The following ADGRB3 variants were observed in gnomAD, a reference collection of about 807,000 sequenced individuals.
ADGRB3 encodes the protein adhesion G protein-coupled receptor B3.
ADGRB3 carries 37 observed loss-of-function variants against 193.4 expected under a neutral mutation model. The observed-to-expected ratio is 0.19, with a 90% CI of 0.15 to 0.25. The LOEUF is 0.25. Among genes scored for constraint, ADGRB3 ranks in the 10% least tolerant of loss-of-function variants. The pLI is 1.00. For synonymous variants in ADGRB3, 690 were observed against 644.2 expected, an observed-to-expected ratio of 1.07 and a Z score of -1.08; for missense variants, 1,637 against 1,852.9, an observed-to-expected ratio of 0.88 and a Z score of 2.14.
In ADGRB3 at chr6:69,215,639, A is replaced by C. The variant is rs556748271; in HGVS notation, c.2481-17651A>C. Among the ~76,000 whole-genome samples, 4 of 152,298 alleles carry C rather than the reference A, an allele frequency of 2.6e-5. No homozygotes were observed. The South Asian group carries it at 8.3e-4, about 32-fold the overall frequency. ...ATAAGACCTATAAGAGATATAATGT[A>C]GCCTATCCCACAATTCTCATTAGAG... On this transcript the variant is annotated intron_variant, in intron 17 of 31. Coordinates refer to ENST00000370598, the MANE Select transcript of ADGRB3 (RefSeq NM_001704.3).
chr6:69,052,259 T>C (rs1371779460), intron 15 of ADGRB3, among the ~76,000 whole-genome samples: 1 of 152,204 alleles, frequency 6.6e-6, no homozygotes, highest in Non-Finnish European at 1.5e-5. Flanking sequence ...AGTTTAATGT[T>C]TGTACTATGA....
Position 68,638,786 on chromosome 6 carries a change from C to G in ADGRB3, c.111C>G (p.Val37=). The G allele has an allele frequency of 2.5e-6, 4 of 1,614,080 alleles. No individual in the cohort carries two copies. Among genetic ancestry groups the G allele is most frequent in the Middle Eastern group, 1.6e-4 (1 of 6,062 alleles). The part of the protein sequence containing the change: ...DFWCSTLVKG[V]IYGSYSVSEM... ...GGTGTTCAACTTTGGTGAAGGGAGT[C>G]ATTTATGGATCGTATTCTGTAAGTG... is the stretch of plus-strand genomic sequence containing the variant. Residue 37 remains valine, a synonymous_variant, in exon 3 of 32, where the codon GTC becomes GTG. Transcript: ENST00000370598.
intron 29 of ADGRB3, among the ~76,000 whole-genome samples, chr6:69,363,398 A>G (rs140324547): frequency 4.6e-4 from 70 of 152,178 alleles, no homozygotes; most frequent in African/African-American, 1.6e-3. Context: ...GGAATGAATA[A>G]TAAAAATTAG....
At chr6:69,216,420 G>A (rs1054622295) in intron 17 of ADGRB3, among the ~76,000 whole-genome samples, 1 of 152,162 alleles carries the variant, frequency 6.6e-6, no homozygotes, top group African/African-American at 2.4e-5. Flanking sequence ...GTTACCTACA[G>A]GCCCTGGTTG....
chr6:69,205,164 A>G (rs1193677881), intron 17 of ADGRB3, among the ~76,000 whole-genome samples: 1 of 152,196 alleles, frequency 6.6e-6, no homozygotes, highest in Admixed American at 6.5e-5. Context: ...CACTCCTACT[A>G]TCAAAATATT....
intron 3 of ADGRB3, among the ~76,000 whole-genome samples, chr6:68,832,017 CCTTTT>C (rs1767966027): frequency 1.3e-5 from 2 of 152,236 alleles, no homozygotes; most frequent in South Asian, 2.1e-4. Context: ...TTAACAGCTA[CCTTTT>C]CTTTTAAGTT....
rs1200948897 is a variant in ADGRB3, at chr6:68,772,906, T to A, written c.757+133474T>A. Among the ~76,000 whole-genome samples the A allele has an allele frequency of 1.4e-3, 48 of 35,442 alleles. 1 individual carries two copies. Among genetic ancestry groups the A allele is most frequent in the African/African-American group, 7.3e-3 (38 of 5,198 alleles). 23.3% of individuals were successfully genotyped at this position (35,442 alleles called of 152,430 possible). A position where few individuals can be genotyped will look rare whatever the true frequency, so the allele number is the denominator to read the frequency against. ...ACAAAAAAAAAAAAATATATATATA[T>A]ATATATATATATATATATATATATA... On this transcript the variant is annotated intron_variant, in intron 3 of 31. Coordinates refer to ENST00000370598, the MANE Select transcript of ADGRB3 (RefSeq NM_001704.3).
chr6:69,194,918 T>C (rs1217051861), intron 17 of ADGRB3, among the ~76,000 whole-genome samples: 1 of 152,148 alleles, frequency 6.6e-6, no homozygotes, highest in Admixed American at 6.6e-5. Context: ...CAATTCCTGG[T>C]ATATAGCAAG....
chr6:68,735,197 G>A lies in ADGRB3; in HGVS notation c.757+95765G>A, dbSNP rs531211595. Among the ~76,000 whole-genome samples, 15 of 151,790 alleles carry A rather than the reference G, an allele frequency of 9.9e-5. No individual in the cohort carries two copies. In the East Asian group the frequency reaches 1.6e-3, roughly 16 times the overall value. Reference sequence around the variant, plus strand: ...CATAAGCATGATCAAAAATATTGTCGAATGAATGAATAATTAAGTTAAATT... The same window carrying A: ...CATAAGCATGATCAAAAATATTGTCAAATGAATGAATAATTAAGTTAAATT... On this transcript the variant is annotated intron_variant, in intron 3 of 31. Coordinates refer to ENST00000370598, the MANE Select transcript of ADGRB3 (RefSeq NM_001704.3).
chr6:69,206,209 C>G (rs1289911150), intron 17 of ADGRB3, among the ~76,000 whole-genome samples: 1 of 151,648 alleles, frequency 6.6e-6, no homozygotes, highest in Non-Finnish European at 1.5e-5. Context: ...GGGCAGGAAG[C>G]ATGCGGAATG....
At chr6:69,150,725 T>C (rs575755610) in intron 17 of ADGRB3, among the ~76,000 whole-genome samples, 98 of 152,306 alleles carry the variant, frequency 6.4e-4, no homozygotes, top group South Asian at 5.8e-3. Context: ...TAGATCACAC[T>C]TGAAGTCAGC....
At chr6:69,170,502 C>G (rs1582515760) in intron 17 of ADGRB3, among the ~76,000 whole-genome samples, 2 of 152,126 alleles carry the variant, frequency 1.3e-5, no homozygotes, top group Middle Eastern at 3.2e-3. Flanking sequence ...TATATATTCT[C>G]TCATCCACAG....
intron 3 of ADGRB3, among the ~76,000 whole-genome samples, chr6:68,883,633 A>G (rs491833): frequency 0.21 from 32,048 of 151,974 alleles, 3,908 homozygotes; most frequent in East Asian, 0.58. Context: ...GCACTGCCTT[A>G]AAAGCTGTAA....
chr6:69,329,552 A>G (rs1363714999), intron 22 of ADGRB3, among the ~76,000 whole-genome samples: 1 of 152,236 alleles, frequency 6.6e-6, no homozygotes, highest in Non-Finnish European at 1.5e-5. Context: ...ATCACAATTA[A>G]CATAGAGCAG....
Position 69,144,145 on chromosome 6 carries a change from T to C in ADGRB3, c.2480+68107T>C, listed in dbSNP as rs577638717. On this transcript the variant is annotated intron_variant, in intron 17 of 31. Coordinates refer to ENST00000370598, the MANE Select transcript of ADGRB3 (RefSeq NM_001704.3). ...TTTAATTTTATTTGTAGCTACTGTG[T>C]AGACTAATTTTAGCTATTGTAAGTG... 3.5e-4 allele frequency among the ~76,000 whole-genome samples: 54 copies of C among 152,310 alleles called. 2 individuals are homozygous for C. In the South Asian group the frequency reaches 8.9e-3, roughly 25 times the overall value.
intron 3 of ADGRB3, among the ~76,000 whole-genome samples, chr6:68,772,019 TGAG>T (rs2127356479): frequency 6.6e-6 from 1 of 152,228 alleles, no homozygotes; most frequent in East Asian, 1.9e-4. Context: ...AGGACTACTT[TGAG>T]GAGAAGTTGT....
At chr6:69,132,887 T>C (rs1422478785) in intron 17 of ADGRB3, among the ~76,000 whole-genome samples, 1 of 152,210 alleles carries the variant, frequency 6.6e-6, no homozygotes, top group East Asian at 1.9e-4. Flanking sequence ...TCGGGAATCC[T>C]TTCCCCATTG....
chr6:69,380,329 A>C (rs1033914016), intron 30 of ADGRB3, among the ~76,000 whole-genome samples: 1 of 151,916 alleles, frequency 6.6e-6, no homozygotes. Flanking sequence ...GCAACATGGG[A>C]AGGATGGGAA....
intron 15 of ADGRB3, among the ~76,000 whole-genome samples, chr6:69,051,193 T>A (rs1771382751): frequency 6.6e-6 from 1 of 152,182 alleles, no homozygotes; most frequent in Non-Finnish European, 1.5e-5. Flanking sequence ...ACATTATGGA[T>A]GATTTAATGG....
Sources: allele counts gnomAD v4.1 joint callset (sites outside exome capture counted in the v4.1 genomes callset), GRCh38; gene constraint gnomAD v4.1.1; transcripts MANE v1.5; gene names NCBI Gene and HGNC (gene_info 2026-07-23, HGNC 2026-07-21).